The following FMNL2 variants were observed in gnomAD, a reference collection of about 807,000 sequenced individuals.
FMNL2 encodes formin-like protein 2.
A neutral mutation model predicts 130.2 loss-of-function variants in FMNL2; 51 were observed. The ratio of observed to expected loss-of-function variants is 0.39; its 90% CI spans 0.31 to 0.49. FMNL2 has a LOEUF of 0.49. Ranked by LOEUF, FMNL2 falls within the 20% of genes least tolerant of loss-of-function variation. FMNL2 has a pLI of 0.85. For missense variants in FMNL2, 977 were observed against 1,316.2 expected (o/e 0.74, Z 3.99); for synonymous variants, 465 against 467.1 (o/e 1.00, Z 0.06).
rs572232490 is a variant in FMNL2, at chr2:152,456,793, A to G, written c.118-65150A>G. 2.0e-5 allele frequency among the ~76,000 whole-genome samples: 3 copies of G among 152,124 alleles called. No homozygotes were observed. The East Asian group carries it at 5.8e-4, about 29-fold the overall frequency. On this transcript the variant is annotated intron_variant, in intron 1 of 25. Coordinates refer to ENST00000288670, the MANE Select transcript of FMNL2 (RefSeq NM_052905.4). ...CCTGTCTCTACTAAAAAAAATACAA[A>G]AATTAACCAGGCGTGGCACCTGTAG... is the stretch of plus-strand genomic sequence containing the variant.
At chr2:152,613,997 G>C (rs1245556175) in intron 11 of FMNL2, among the ~76,000 whole-genome samples, 1 of 152,172 alleles carries the variant, frequency 6.6e-6, no homozygotes, top group African/African-American at 2.4e-5. Context: ...GCTGTATACT[G>C]ACTTAGGGAG....
chr2:152,633,453 C>T (rs1682322391), intron 21 of FMNL2, among the ~76,000 whole-genome samples: 1 of 152,030 alleles, frequency 6.6e-6, no homozygotes, highest in Admixed American at 6.6e-5. Context: ...TTTCTCTCAG[C>T]CCCTGAAAAT....
rs890538120 is a variant in FMNL2, at chr2:152,512,420, G to A, written c.118-9523G>A. On this transcript the variant is annotated intron_variant, in intron 1 of 25. Transcript: ENST00000288670. ...TTAGATGTTGAATCACTAAGCCAAT[G>A]ATATGGGGAGTAGTAGGAAGATGGG... is the stretch of plus-strand genomic sequence containing the variant. 2.6e-5 allele frequency among the ~76,000 whole-genome samples: 4 copies of A among 152,160 alleles called. No homozygotes were observed. The East Asian group carries it at 7.7e-4, about 29-fold the overall frequency.
chr2:152,360,512 G>A (rs1683102643), intron 1 of FMNL2, among the ~76,000 whole-genome samples: 1 of 151,756 alleles, frequency 6.6e-6, no homozygotes. Context: ...TTTTTTGTTT[G>A]TTTGTTTCCC....
intron 1 of FMNL2, among the ~76,000 whole-genome samples, chr2:152,367,726 G>T (rs1683639242): frequency 6.6e-6 from 1 of 152,118 alleles, no homozygotes; most frequent in Non-Finnish European, 1.5e-5. Flanking sequence ...TTGCATTCTG[G>T]TATTTTTCAG....
At chr2:152,530,303 G>T (rs1693617373) in intron 2 of FMNL2, among the ~76,000 whole-genome samples, 1 of 152,094 alleles carries the variant, frequency 6.6e-6, no homozygotes, top group Admixed American at 6.5e-5. Context: ...TTTAACATTT[G>T]ACTATTTAAC....
At position 152,559,290 on chromosome 2, in the gene FMNL2, G is replaced by T. The variant is rs577675202; in HGVS notation, c.443+467G>T. ...CTGGAGGGAGAGGTAACAGGAGGCT[G>T]TTCCTTTTTCCTTGATATGCATTTG... On this transcript the variant is annotated intron_variant, in intron 5 of 25. Transcript: ENST00000288670. Among the ~76,000 whole-genome samples the T allele has an allele frequency of 1.8e-4, 28 of 152,272 alleles. No homozygotes were observed. In the East Asian group the frequency reaches 5.2e-3, roughly 28 times the overall value.
intron 9 of FMNL2, among the ~76,000 whole-genome samples, chr2:152,586,492 T>C (rs1558984970): frequency 6.6e-6 from 1 of 152,176 alleles, no homozygotes; most frequent in Non-Finnish European, 1.5e-5. Context: ...TTTAATCCCA[T>C]GTAATCTAAC....
In FMNL2 at chr2:152,425,755, T is replaced by C. The variant is rs1046873303; in HGVS notation, c.117+90035T>C. Among the ~76,000 whole-genome samples the C allele has an allele frequency of 8.5e-5, 13 of 152,226 alleles. 1 individual carries two copies. The highest frequency in any genetic ancestry group is 1.9e-4 in the Non-Finnish European group (13 of 68,040). On this transcript the variant is annotated intron_variant, in intron 1 of 25. Transcript: ENST00000288670. Reference sequence around the variant, plus strand: ...TTGTCTATAACATTGGAAAGAGATATGAACCCTCCTTTGGTTAATTGAAGT... The same window carrying C: ...TTGTCTATAACATTGGAAAGAGATACGAACCCTCCTTTGGTTAATTGAAGT...
At chr2:152,389,115 T>A (rs1684954166) in intron 1 of FMNL2, among the ~76,000 whole-genome samples, 1 of 152,036 alleles carries the variant, frequency 6.6e-6, no homozygotes, top group African/African-American at 2.4e-5. Context: ...ATTTTTTTTT[T>A]CTATAAAGCC....
chr2:152,374,628 G>A (rs1398662717), intron 1 of FMNL2, among the ~76,000 whole-genome samples: 1 of 152,162 alleles, frequency 6.6e-6, no homozygotes, highest in African/African-American at 2.4e-5. Flanking sequence ...AAAAACTAGA[G>A]ACATAGACCA....
At chr2:152,364,287 T>TTTCCAGATG (rs1683380689) in intron 1 of FMNL2, among the ~76,000 whole-genome samples, 1 of 132,034 alleles carries the variant, frequency 7.6e-6, no homozygotes, top group Non-Finnish European at 1.7e-5. Flanking sequence ...TTTTTTTTTT[T>TTTCCAGATG]TTTTTACCAG....
intron 25 of FMNL2, among the ~76,000 whole-genome samples, chr2:152,642,577 C>T (rs559268359): frequency 1.3e-5 from 2 of 152,350 alleles, no homozygotes; most frequent in Non-Finnish European, 2.9e-5. Flanking sequence ...CTCTCCTTGC[C>T]TCCTCCATGC....
chr2:152,612,021 A>G (rs529122395), intron 11 of FMNL2, among the ~76,000 whole-genome samples: 7 of 152,176 alleles, frequency 4.6e-5, no homozygotes, highest in Non-Finnish European at 1.0e-4. Context: ...TGCTTAGAGC[A>G]TAAAAAAAAA....
At chr2:152,560,736 T>G in intron 5 of FMNL2, 147 bp from the exon 6 acceptor site, 1 of 653,160 alleles carries the variant, frequency 1.5e-6, no homozygotes, top group Non-Finnish European at 2.4e-6. Context: ...AGAAATTCCA[T>G]TATATTTCCT....
At chr2:152,391,181 TGGA>T in intron 1 of FMNL2, among the ~76,000 whole-genome samples, 1 of 152,280 alleles carries the variant, frequency 6.6e-6, no homozygotes, top group East Asian at 1.9e-4. Context: ...ATTCTAGAGG[TGGA>T]AGTTAGTGCC....
Position 152,466,785 on chromosome 2 carries a change from T to G in FMNL2, c.118-55158T>G, listed in dbSNP as rs190528403. ...CTTGTACTTTATCAAGTGAGTTGTC[T>G]TCCTCTCTCAACTAGATCCAAAGAA... On this transcript the variant is annotated intron_variant, in intron 1 of 25. Coordinates refer to ENST00000288670, the MANE Select transcript of FMNL2 (RefSeq NM_052905.4). 1.6e-4 allele frequency among the ~76,000 whole-genome samples: 25 copies of G among 152,278 alleles called. No homozygotes were observed. In the East Asian group the frequency reaches 3.9e-3, roughly 23 times the overall value.
At chr2:152,615,117 C>A in intron 12 of FMNL2, 117 bp downstream of exon 12, 3 of 1,086,552 alleles carry the variant, frequency 2.8e-6, no homozygotes, top group Admixed American at 2.6e-5. Flanking sequence ...ATAGGCCATA[C>A]CCTGCAAGAG....
intron 1 of FMNL2, among the ~76,000 whole-genome samples, chr2:152,462,635 C>T: frequency 6.6e-6 from 1 of 152,152 alleles, no homozygotes; most frequent in East Asian, 1.9e-4. Flanking sequence ...CACATCAATA[C>T]CTTGTGTTTG....
Sources: allele counts gnomAD v4.1 joint callset (sites outside exome capture counted in the v4.1 genomes callset), GRCh38; gene constraint gnomAD v4.1.1; transcripts MANE v1.5; gene names NCBI Gene and HGNC (gene_info 2026-07-23, HGNC 2026-07-21).